NDUFA5: variants seen among roughly 807,000 people sequenced by gnomAD.
NDUFA5 encodes the protein NADH dehydrogenase [ubiquinone] 1 alpha subcomplex subunit 5.
A neutral mutation model predicts 19.8 loss-of-function variants in NDUFA5; 11 were observed. The observed-to-expected ratio is 0.56, with a 90% CI of 0.35 to 0.92. NDUFA5 has a LOEUF of 0.92. Ranked by LOEUF, NDUFA5 falls within the 40% of genes least tolerant of loss-of-function variation. NDUFA5 has a pLI of 0.01. For missense variants in NDUFA5, 109 were observed against 134.2 expected (o/e 0.81, Z 0.93); for synonymous variants, 47 against 46.8 (o/e 1.00, Z -0.01).
chr7:123,566,265 A>G, the NDUFA5 span, among the ~76,000 whole-genome samples: 8 of 152,186 alleles, frequency 5.3e-5, no homozygotes, highest in African/African-American at 1.9e-4. Flanking sequence ...ACCAGAAGTT[A>G]GGGAAGAGGC....
the NDUFA5 span, among the ~76,000 whole-genome samples, chr7:123,570,787 C>A: frequency 6.6e-6 from 1 of 152,162 alleles, no homozygotes. Context: ...TCTTGAGCCC[C>A]ATCCATTTCC....
chr7:123,572,879 T>C, the NDUFA5 span, among the ~76,000 whole-genome samples: 3 of 152,162 alleles, frequency 2.0e-5, no homozygotes, highest in Admixed American at 6.5e-5. Context: ...CCTTATTTTA[T>C]GCTATTTAAT....
the NDUFA5 span, among the ~76,000 whole-genome samples, chr7:123,595,866 A>G: frequency 6.6e-6 from 1 of 152,214 alleles, no homozygotes; most frequent in East Asian, 1.9e-4. Context: ...AAAATTACCC[A>G]GACATTCCAA....
At chr7:123,557,659 C>T (rs774083895) in intron 1 of NDUFA5, 116 bp downstream of exon 1, 1 of 1,613,924 alleles carries the variant, frequency 6.2e-7, no homozygotes, top group Non-Finnish European at 8.5e-7. Context: ...GAACGAGTCC[C>T]CGAAAAGCAC....
the NDUFA5 span, among the ~76,000 whole-genome samples, chr7:123,596,631 T>C: frequency 6.6e-6 from 1 of 151,862 alleles, no homozygotes; most frequent in Non-Finnish European, 1.5e-5. Flanking sequence ...ATAGTAATAA[T>C]AAGGAAAAAA....
chr7:123,559,768 A>G (rs1446695423), upstream of NDUFA5, among the ~76,000 whole-genome samples: 1 of 151,714 alleles, frequency 6.6e-6, no homozygotes, highest in Non-Finnish European at 1.5e-5. Flanking sequence ...AGACAGGAGA[A>G]TCACTCAAAC....
the NDUFA5 span, among the ~76,000 whole-genome samples, chr7:123,581,092 C>T: frequency 3.4e-3 from 516 of 151,950 alleles, 2 homozygotes; most frequent in Non-Finnish European, 5.1e-3. Flanking sequence ...CTTGTATTTA[C>T]GGATAATTCA....
At chr7:123,595,249 G>C in the NDUFA5 span, among the ~76,000 whole-genome samples, 2 of 152,064 alleles carry the variant, frequency 1.3e-5, no homozygotes, top group African/African-American at 4.8e-5. Flanking sequence ...TAAAACCCAA[G>C]CTTTTATCCA....
At chr7:123,545,217 A>G (rs1004707939) in intron 4 of NDUFA5, among the ~76,000 whole-genome samples, 8 of 152,168 alleles carry the variant, frequency 5.3e-5, no homozygotes, top group African/African-American at 1.7e-4. Flanking sequence ...CAAAAATAAA[A>G]ATAAAAGTAC....
At chr7:123,549,800 T>C (rs1798266561) in intron 3 of NDUFA5, among the ~76,000 whole-genome samples, 2 of 152,132 alleles carry the variant, frequency 1.3e-5, no homozygotes, top group African/African-American at 2.4e-5. Flanking sequence ...AAATACGATA[T>C]AATACAAACT....
At chr7:123,557,613 G>C (rs1478935554) in intron 1 of NDUFA5, 162 bp downstream of exon 1, 3 of 1,613,162 alleles carry the variant, frequency 1.9e-6, no homozygotes, top group Non-Finnish European at 2.5e-6. Context: ...CTCTCGGAGC[G>C]GAACCACTAA....
In NDUFA5 at chr7:123,539,790, GCT is replaced by G. The variant is rs1293011816; in HGVS notation, c.*2327_*2328del. 6.6e-6 allele frequency: 1 copy of G among 152,184 alleles called. No individual in the cohort carries two copies. The highest frequency in any genetic ancestry group is 1.5e-5 in the Non-Finnish European group (1 of 68,042). The allele number at this position is 152,184 out of a possible 1,614,324, so 9.4% of individuals were successfully genotyped here. On this transcript the variant is annotated 3_prime_UTR_variant, in exon 5 of 5. Transcript: ENST00000355749. ...ATAATCTGCCTATAACCTATATGCAGCTCTTTGCAGAAAATGAAATCGTTTAC... is the reference window on the plus strand; with the variant it reads ...ATAATCTGCCTATAACCTATATGCAGCTTTGCAGAAAATGAAATCGTTTAC...
At chr7:123,563,239 C>T in the NDUFA5 span, among the ~76,000 whole-genome samples, 9 of 152,168 alleles carry the variant, frequency 5.9e-5, no homozygotes, top group Non-Finnish European at 1.0e-4. Flanking sequence ...CAACATGCCT[C>T]CCTCACTAAG....
Position 123,542,038 on chromosome 7 carries a change from C to A in NDUFA5, c.*81G>T. 1 of 931,986 alleles carries A rather than the reference C, an allele frequency of 1.1e-6. No homozygotes were observed. The highest frequency in any genetic ancestry group is 1.6e-6 in the Non-Finnish European group (1 of 638,258). The allele number at this position is 931,986 out of a possible 1,614,324, so 57.7% of individuals were successfully genotyped here. A position where few individuals can be genotyped will look rare whatever the true frequency, so the allele number is the denominator to read the frequency against. ...ATCACTTTTCTTGATTACAAAATGT[C>A]AGTAATAAGAACACGCTCTTAATAT... is the stretch of plus-strand genomic sequence containing the variant. On this transcript the variant is annotated 3_prime_UTR_variant, in exon 5 of 5. Coordinates refer to ENST00000355749, the MANE Select transcript of NDUFA5 (RefSeq NM_005000.5).
chr7:123,579,616 C>G, the NDUFA5 span, among the ~76,000 whole-genome samples: 1 of 152,012 alleles, frequency 6.6e-6, no homozygotes, highest in Non-Finnish European at 1.5e-5. Context: ...TAATTTAGAA[C>G]AAGTTTGCAA....
intron 2 of NDUFA5, among the ~76,000 whole-genome samples, chr7:123,551,776 T>C (rs1383539170): frequency 1.3e-5 from 2 of 152,148 alleles, no homozygotes; most frequent in Non-Finnish European, 2.9e-5. Flanking sequence ...TAAACTTCAG[T>C]ATAGAAATCA....
At chr7:123,600,994 G>T in the NDUFA5 span, among the ~76,000 whole-genome samples, 1 of 152,124 alleles carries the variant, frequency 6.6e-6, no homozygotes, top group African/African-American at 2.4e-5. Context: ...TATAAAATAT[G>T]AAATGAGTTT....
the NDUFA5 span, among the ~76,000 whole-genome samples, chr7:123,598,428 T>C: frequency 1.3e-5 from 2 of 152,128 alleles, no homozygotes; most frequent in African/African-American, 4.8e-5. Flanking sequence ...CTCCTTTTAA[T>C]CCAAGTTTGT....
upstream of NDUFA5, among the ~76,000 whole-genome samples, chr7:123,559,565 A>G (rs1798659952): frequency 6.6e-6 from 1 of 152,190 alleles, no homozygotes; most frequent in African/African-American, 2.4e-5. Context: ...CAACAAGAAA[A>G]GAAAACTTCG....
Sources: allele counts gnomAD v4.1 joint callset (sites outside exome capture counted in the v4.1 genomes callset), GRCh38; gene constraint gnomAD v4.1.1; transcripts MANE v1.5; gene names NCBI Gene and HGNC (gene_info 2026-07-23, HGNC 2026-07-21).